The following ZC3H6 variants were observed in gnomAD, a reference collection of about 807,000 sequenced individuals.
The protein encoded by ZC3H6 is zinc finger CCCH domain-containing protein 6.
In ZC3H6, 40 loss-of-function variants were observed where a neutral mutation model predicts 107.7. The ratio of observed to expected loss-of-function variants is 0.37; its 90% CI spans 0.29 to 0.48. The LOEUF (loss-of-function observed/expected upper bound fraction) is 0.48, where lower values mean the gene tolerates loss of function less well. ZC3H6 is among the 20% of genes least tolerant of loss of function. The pLI, the probability that ZC3H6 is intolerant of heterozygous loss-of-function variation, is 0.98. For missense variants in ZC3H6, 1,267 were observed against 1,410.4 expected (o/e 0.90, Z 1.63); for synonymous variants, 493 against 487.9 (o/e 1.01, Z -0.14).
chr2:112,324,713 T>A, intron 10 of ZC3H6, 50 bp downstream of exon 10: 1 of 1,438,830 alleles, frequency 7.0e-7, no homozygotes, highest in Non-Finnish European at 9.3e-7. Context: ...AATACAGTCC[T>A]ATTTTTCATT....
In ZC3H6 at chr2:112,311,957, A is replaced by G. The variant is rs369432678; in HGVS notation, c.747+20A>G. The stretch of plus-strand genomic sequence containing the variant: ...CAAGAGGTACTAAGAATTTATGTAT[A>G]AGGAGGGGAGGAGCTTTTTCATCTT... On this transcript the variant is annotated intron_variant, in intron 5 of 11. Coordinates refer to ENST00000409871, the MANE Select transcript of ZC3H6 (RefSeq NM_198581.3). 19 of 1,580,224 alleles carry G rather than the reference A, an allele frequency of 1.2e-5. No individual in the cohort carries two copies. The African/African-American group carries it at 2.0e-4, about 17-fold the overall frequency.
At chr2:112,296,502 T>G (rs1676236328) in intron 1 of ZC3H6, among the ~76,000 whole-genome samples, 1 of 152,234 alleles carries the variant, frequency 6.6e-6, no homozygotes, top group Admixed American at 6.5e-5. Context: ...CTTATACTTG[T>G]CTTTTGGTGA....
At chr2:112,305,265 A>C (rs902014343) in intron 3 of ZC3H6, among the ~76,000 whole-genome samples, 1 of 152,216 alleles carries the variant, frequency 6.6e-6, no homozygotes, top group Non-Finnish European at 1.5e-5. Flanking sequence ...GACATTTGAA[A>C]ATATCAAGTA....
intron 5 of ZC3H6, among the ~76,000 whole-genome samples, chr2:112,313,342 A>G (rs1676627291): frequency 6.6e-6 from 1 of 152,202 alleles, no homozygotes; most frequent in Non-Finnish European, 1.5e-5. Flanking sequence ...GACCTTTAGA[A>G]TATGCTGATT....
chr2:112,298,001 G>T (rs1178191727), intron 1 of ZC3H6, among the ~76,000 whole-genome samples: 1 of 152,132 alleles, frequency 6.6e-6, no homozygotes, highest in Admixed American at 6.5e-5. Flanking sequence ...TGTAATCCCA[G>T]CTACTCGGAG....
chr2:112,308,334 A>C (rs2104711117), intron 3 of ZC3H6, among the ~76,000 whole-genome samples: 1 of 152,088 alleles, frequency 6.6e-6, no homozygotes, highest in Non-Finnish European at 1.5e-5. Flanking sequence ...AGAAAGATCT[A>C]ATACTTCATT....
chr2:112,299,891 A>G lies in ZC3H6; in HGVS notation c.75A>G (p.Gly25=), dbSNP rs1676335460. ...ELEDGEIDDA[G]FEEIQEKEAK... is the part of the protein sequence containing the mutation. ...AAGATGGTGAAATAGACGATGCAGG[A>G]TTTGAAGAAATACAAGAAAAAGAAG... Residue 25 remains glycine (G), a synonymous_variant, in exon 2 of 12, where the codon GGA becomes GGG. Transcript: ENST00000409871. The G allele has an allele frequency of 6.7e-7, 1 of 1,496,330 alleles. No homozygotes were observed. The highest frequency in any genetic ancestry group is 8.9e-7 in the Non-Finnish European group (1 of 1,124,242). The allele number at this position is 1,496,330 out of a possible 1,614,324, so 92.7% of individuals were successfully genotyped here. A position where few individuals can be genotyped will look rare whatever the true frequency, so the allele number is the denominator to read the frequency against.
At position 112,332,414 on chromosome 2, in the gene ZC3H6, G is replaced by A. The variant is rs761815362; in HGVS notation, c.3496G>A (p.Gly1166Ser). 11 of 1,612,952 alleles carry A rather than the reference G, an allele frequency of 6.8e-6. No homozygotes were observed. The highest frequency in any genetic ancestry group is 2.7e-5 in the African/African-American group (2 of 74,876). Residue 1166 changes from glycine to serine, a missense_variant, in exon 12 of 12, where the codon GGT becomes AGT. This residue lies in a region of ZC3H6 where 925 missense variants were observed against 1,025.7 expected (regional missense o/e 0.90). Coordinates refer to ENST00000409871, the MANE Select transcript of ZC3H6 (RefSeq NM_198581.3). ...QGSPTPDNDPGRETDDKSLKE... is the reference protein window; with the variant it reads ...QGSPTPDNDPSRETDDKSLKE... ...GAGCCCGACCCCAGATAATGATCCCGGTAGAGAAACAGATGACAAATCTCT... is the reference window on the plus strand; with the variant it reads ...GAGCCCGACCCCAGATAATGATCCCAGTAGAGAAACAGATGACAAATCTCT...
chr2:112,320,955 A>AT (rs936604924), intron 7 of ZC3H6, among the ~76,000 whole-genome samples: 9 of 152,072 alleles, frequency 5.9e-5, no homozygotes, highest in African/African-American at 2.2e-4. Context: ...TACTAAGAGG[A>AT]TTTTTTTAAA....
chr2:112,331,938 A>G lies in ZC3H6; in HGVS notation c.3020A>G (p.Gln1007Arg). 6.2e-7 allele frequency: 1 copy of G among 1,614,022 alleles called. No homozygotes were observed. The highest frequency in any genetic ancestry group is 8.5e-7 in the Non-Finnish European group (1 of 1,179,886). Reference protein sequence around the residue: ...HLPRSNPGSSQPSGAGTSNSG... With the variant: ...HLPRSNPGSSRPSGAGTSNSG... ...CCCAGATCAAACCCTGGTTCATCAC[A>G]GCCCTCAGGGGCAGGAACTAGCAAT... Residue 1007 changes from glutamine (Q) to arginine (R), a missense_variant, in exon 12 of 12, where the codon CAG (glutamine) becomes CGG (arginine). This residue lies in a region of ZC3H6 where 925 missense variants were observed against 1,025.7 expected (regional missense o/e 0.90). Transcript: ENST00000409871.
intron 3 of ZC3H6, among the ~76,000 whole-genome samples, chr2:112,308,923 G>A (rs1208912391): frequency 1.1e-4 from 16 of 151,316 alleles, no homozygotes; most frequent in South Asian, 8.3e-4. Flanking sequence ...ATGTTGGTGC[G>A]CGCCTGTAAT....
chr2:112,275,880 TGTC>T lies in ZC3H6; in HGVS notation c.-113_-111del, dbSNP rs1686405172. 2.5e-6 allele frequency: 2 copies of T among 793,578 alleles called. No individual in the cohort carries two copies. Among genetic ancestry groups the T allele is most frequent in the Non-Finnish European group, 3.9e-6 (2 of 515,494 alleles). 49.2% of individuals were successfully genotyped at this position (793,578 alleles called of 1,614,324 possible). ...CGTGAGTTTTTACCACTTCGTCACC[TGTC>T]GGCGGCGGCCGGGAGCAGGTTCCCG... is the stretch of plus-strand genomic sequence containing the variant. On this transcript the variant is annotated 5_prime_UTR_variant, in exon 1 of 12. Coordinates refer to ENST00000409871, the MANE Select transcript of ZC3H6 (RefSeq NM_198581.3).
intron 3 of ZC3H6, among the ~76,000 whole-genome samples, chr2:112,305,522 T>C (rs1343598254): frequency 1.3e-5 from 2 of 152,212 alleles, no homozygotes; most frequent in African/African-American, 4.8e-5. Context: ...CCTGTAGACA[T>C]ACTGTTTTAT....
intron 1 of ZC3H6, among the ~76,000 whole-genome samples, chr2:112,295,964 C>T (rs1676223740): frequency 6.6e-6 from 1 of 151,926 alleles, no homozygotes; most frequent in South Asian, 2.1e-4. Context: ...CTTTAAGGAG[C>T]TCACGTTGAA....
chr2:112,299,174 G>C (rs1017343813), intron 1 of ZC3H6, among the ~76,000 whole-genome samples: 3 of 151,948 alleles, frequency 2.0e-5, no homozygotes, highest in African/African-American at 7.3e-5. Context: ...CTACTTGGGA[G>C]GCTGAGGCAG....
At chr2:112,310,187 T>G in intron 4 of ZC3H6, 26 bp downstream of exon 4, 2 of 1,597,512 alleles carry the variant, frequency 1.3e-6, no homozygotes, top group Non-Finnish European at 1.7e-6. Context: ...CAGTCTGTCT[T>G]AGAATGTGAG....
At chr2:112,328,723 G>A (rs1219576185) in intron 11 of ZC3H6, among the ~76,000 whole-genome samples, 2 of 152,196 alleles carry the variant, frequency 1.3e-5, no homozygotes, top group Non-Finnish European at 1.5e-5. Context: ...GGTAGATCAC[G>A]AGGTCAAGAG....
chr2:112,329,877 G>A (rs568459338), intron 11 of ZC3H6, among the ~76,000 whole-genome samples: 1 of 152,122 alleles, frequency 6.6e-6, no homozygotes, highest in South Asian at 2.1e-4. Context: ...TGGAGAGGAG[G>A]GAGAATCACC....
Position 112,275,884 on chromosome 2 carries a change from G to A in ZC3H6, c.-111G>A. The A allele has an allele frequency of 5.9e-6, 5 of 842,278 alleles. No individual in the cohort carries two copies. The highest frequency in any genetic ancestry group is 8.9e-6 in the Non-Finnish European group (5 of 559,326). The allele number at this position is 842,278 out of a possible 1,614,324, so 52.2% of individuals were successfully genotyped here. A position where few individuals can be genotyped will look rare whatever the true frequency, so the allele number is the denominator to read the frequency against. ...AGTTTTTACCACTTCGTCACCTGTC[G>A]GCGGCGGCCGGGAGCAGGTTCCCGC... On this transcript the variant is annotated 5_prime_UTR_variant, in exon 1 of 12. Coordinates refer to ENST00000409871, the MANE Select transcript of ZC3H6 (RefSeq NM_198581.3).
Sources: gnomAD v4.1 joint callset for allele counts (sites outside exome capture counted in the v4.1 genomes callset) on GRCh38, gnomAD v4.1.1 for gene constraint, gnomAD v4.1.1 regional missense constraint, MANE v1.5 for transcripts, NCBI Gene and HGNC (gene_info 2026-07-23, HGNC 2026-07-21) for gene names.